AGPAT3: variants seen among roughly 807,000 people sequenced by gnomAD.
AGPAT3 encodes the protein 1-acylglycerol-3-phosphate O-acyltransferase 3.
A neutral mutation model predicts 47.3 loss-of-function variants in AGPAT3; 5 were observed. The ratio of observed to expected loss-of-function variants is 0.11; its 90% CI spans 0.06 to 0.22. The LOEUF (loss-of-function observed/expected upper bound fraction) is 0.22. Ranked by LOEUF, AGPAT3 falls within the 10% of genes least tolerant of loss-of-function variation. AGPAT3 has a pLI of 1.00. For missense variants in AGPAT3, 315 were observed against 493.0 expected, an observed-to-expected ratio of 0.64 and a Z score of 3.42; for synonymous variants, 212 against 208.3, an observed-to-expected ratio of 1.02 and a Z score of -0.15.
At chr21:43,868,279 T>A (rs914668840) in intron 1 of AGPAT3, among the ~76,000 whole-genome samples, 1 of 152,230 alleles carries the variant, frequency 6.6e-6, no homozygotes, top group Non-Finnish European at 1.5e-5. Context: ...TTCCCAAGCC[T>A]AGGTAGAAGG....
intron 7 of AGPAT3, among the ~76,000 whole-genome samples, chr21:43,972,094 G>A (rs894429971): frequency 6.6e-6 from 1 of 152,202 alleles, no homozygotes; most frequent in East Asian, 1.9e-4. Context: ...AGCACGCGAG[G>A]GACCGCAGTG....
chr21:43,918,051 G>A (rs1456724995), intron 2 of AGPAT3, among the ~76,000 whole-genome samples: 1 of 130,108 alleles, frequency 7.7e-6, no homozygotes, highest in Non-Finnish European at 1.7e-5. Flanking sequence ...TGTTGTGGGG[G>A]TTGTGGGTGT....
At chr21:43,890,221 G>T (rs548671326) in intron 1 of AGPAT3, among the ~76,000 whole-genome samples, 2 of 152,124 alleles carry the variant, frequency 1.3e-5, no homozygotes, top group Non-Finnish European at 2.9e-5. Context: ...CTGTTTGAAA[G>T]TGTGTGGCCC....
intron 1 of AGPAT3, among the ~76,000 whole-genome samples, chr21:43,902,681 T>C (rs2086385824): frequency 6.6e-6 from 1 of 152,162 alleles, no homozygotes; most frequent in African/African-American, 2.4e-5. Context: ...TCTCCAAATA[T>C]CACATTAGCA....
chr21:43,973,199 G>C (rs3788096), intron 7 of AGPAT3, among the ~76,000 whole-genome samples: 81,588 of 152,198 alleles, frequency 0.54, 24,190 homozygotes, highest in African/African-American at 0.8. Flanking sequence ...GGTCAGTGGG[G>C]CCACGAGCTG....
Position 43,971,371 on chromosome 21 carries a change from C to T in AGPAT3, c.665-17C>T, listed in dbSNP as rs1418856928. 6.2e-7 allele frequency: 1 copy of T among 1,612,162 alleles called. No homozygotes were observed. Among genetic ancestry groups the T allele is most frequent in the Non-Finnish European group, 8.5e-7 (1 of 1,178,216 alleles). ...CCGCCTGGGCTGGGTCATTCACCCT[C>T]CCGTCTCCTCCCACAGTCGCAGCTG... On this transcript the variant is annotated splice_polypyrimidine_tract_variant and intron_variant, in intron 6 of 9. Transcript: ENST00000291572.
At position 43,927,897 on chromosome 21, in the gene AGPAT3, G is replaced by A. The variant is rs567775699; in HGVS notation, c.-49+23878G>A. On this transcript the variant is annotated intron_variant, in intron 2 of 9. Coordinates refer to ENST00000291572, the MANE Select transcript of AGPAT3 (RefSeq NM_020132.5). ...GGTGAGGGCGACCGACGTGCCTGGG[G>A]ACAGGTACCCCAGCCTATAGGAGGC... Among the ~76,000 whole-genome samples the A allele has an allele frequency of 2.0e-5, 3 of 152,336 alleles. No individual in the cohort carries two copies. The East Asian group carries it at 5.8e-4, about 29-fold the overall frequency.
At position 43,955,989 on chromosome 21, in the gene AGPAT3, G is replaced by A. The variant is rs541478216; in HGVS notation, c.-48-3645G>A. ...TGTGGAGCCCGGGCATCTGCTTCTC[G>A]GAGCATCACAGCTGATGTGCTGGCC... On this transcript the variant is annotated intron_variant, in intron 2 of 9. Transcript: ENST00000291572. This position sits in a 1 kb window ranked among gnomAD's most constrained non-coding sequence, Gnocchi z 4.1. Among the ~76,000 whole-genome samples, 6 of 152,180 alleles carry A rather than the reference G, an allele frequency of 3.9e-5. No individual in the cohort carries two copies. Among genetic ancestry groups the A allele is most frequent in the Non-Finnish European group, 8.8e-5 (6 of 68,020 alleles).
intron 1 of AGPAT3, among the ~76,000 whole-genome samples, chr21:43,885,832 TGC>T: frequency 1.3e-5 from 1 of 78,636 alleles, no homozygotes; most frequent in African/African-American, 3.1e-5. Flanking sequence ...GGTGTGCAGG[TGC>T]GCAGGTGCGC....
At chr21:43,915,481 G>A (rs1374802932) in intron 2 of AGPAT3, among the ~76,000 whole-genome samples, 15 of 121,766 alleles carry the variant, frequency 1.2e-4, no homozygotes, top group Non-Finnish European at 2.2e-4. Context: ...GTGCGATCTC[G>A]GGTCACTGTA....
At chr21:43,866,724 A>G (rs1480426234) in intron 1 of AGPAT3, 1 of 152,320 alleles carries the variant, frequency 6.6e-6, no homozygotes, top group Non-Finnish European at 1.5e-5. Flanking sequence ...TGCCATTGAC[A>G]TTCAGACAGA....
At chr21:43,868,476 A>G (rs995240772) in intron 1 of AGPAT3, among the ~76,000 whole-genome samples, 4 of 152,160 alleles carry the variant, frequency 2.6e-5, no homozygotes, top group African/African-American at 9.7e-5. Flanking sequence ...GTCCCCAGTG[A>G]CTGGGAAGGC....
chr21:43,980,890 A>T (rs2089825140), intron 8 of AGPAT3, 99 bp from the exon 9 acceptor site: 2 of 1,183,508 alleles, frequency 1.7e-6, no homozygotes, highest in Admixed American at 2.1e-5. Context: ...CGCTTTTTTT[A>T]GGTTGAGTCG....
At chr21:43,875,590 T>G (rs1015226938) in intron 1 of AGPAT3, among the ~76,000 whole-genome samples, 4 of 152,230 alleles carry the variant, frequency 2.6e-5, no homozygotes, top group Non-Finnish European at 5.9e-5. Context: ...TTCATCTCCA[T>G]CTACTGTGCT....
chr21:43,961,893 A>G (rs563980127), intron 3 of AGPAT3, among the ~76,000 whole-genome samples: 2 of 152,336 alleles, frequency 1.3e-5, no homozygotes, highest in South Asian at 4.1e-4. Flanking sequence ...TATGTCAGCT[A>G]ACTTTTCATG....
intron 2 of AGPAT3, among the ~76,000 whole-genome samples, chr21:43,915,040 A>G (rs536713192): frequency 1.3e-5 from 2 of 151,774 alleles, no homozygotes; most frequent in East Asian, 3.9e-4. Context: ...TAAAAAATGT[A>G]TTTTATTTTG....
At chr21:43,949,802 G>A (rs1049234509) in intron 2 of AGPAT3, among the ~76,000 whole-genome samples, 14 of 152,276 alleles carry the variant, frequency 9.2e-5, no homozygotes, top group African/African-American at 3.1e-4. Flanking sequence ...TGCAATCTGC[G>A]CTCTCCTTCA....
At chr21:43,936,122 T>A (rs1361315010) in intron 2 of AGPAT3, among the ~76,000 whole-genome samples, 1 of 152,122 alleles carries the variant, frequency 6.6e-6, no homozygotes, top group Non-Finnish European at 1.5e-5. Flanking sequence ...TCTGCTCACT[T>A]CAAAGAGGGG....
In AGPAT3 at chr21:43,906,080, G is replaced by T. The variant is rs561663203; in HGVS notation, c.-49+2061G>T. ...CCTTTGTTCCCTTTCTGGGGACAGG[G>T]ACATCACGGTTCTGTAATAACTGAG... On this transcript the variant is annotated intron_variant, in intron 2 of 9. Transcript: ENST00000291572. Among the ~76,000 whole-genome samples, 104 of 152,344 alleles carry T rather than the reference G, an allele frequency of 6.8e-4. 2 individuals are homozygous for T. The South Asian group carries it at 0.021, about 31-fold the overall frequency.
Sources: gnomAD v4.1 joint callset for allele counts (sites outside exome capture counted in the v4.1 genomes callset) on GRCh38, gnomAD v4.1.1 for gene constraint, Gnocchi (gnomAD v3.1) non-coding constraint, MANE v1.5 for transcripts, NCBI Gene and HGNC (gene_info 2026-07-23, HGNC 2026-07-21) for gene names.